The following WWOX variants were observed in gnomAD, a reference collection of about 807,000 sequenced individuals.
WWOX encodes the protein WW domain containing oxidoreductase.
WWOX carries 69 observed loss-of-function variants against 46.2 expected under a neutral mutation model. The ratio of observed to expected loss-of-function variants is 1.49; its 90% confidence interval spans 1.23 to 1.82. The LOEUF (loss-of-function observed/expected upper bound fraction) is 1.82. WWOX is among the 40% of genes most tolerant of loss of function. The pLI is 0.00. For synonymous variants in WWOX, 359 were observed against 202.6 expected, an observed-to-expected ratio of 1.77 and a Z score of -6.56; for missense variants, 919 against 542.6, an observed-to-expected ratio of 1.69 and a Z score of -6.89.
intron 8 of WWOX, among the ~76,000 whole-genome samples, chr16:78,767,051 C>T (rs2049939439): frequency 6.6e-6 from 1 of 151,206 alleles, no homozygotes; most frequent in Non-Finnish European, 1.5e-5. Flanking sequence ...TTTCTTTCTT[C>T]CTCTCCTTCC....
At chr16:78,864,660 G>C (rs1296723871) in intron 8 of WWOX, among the ~76,000 whole-genome samples, 1 of 151,106 alleles carries the variant, frequency 6.6e-6, no homozygotes, top group Non-Finnish European at 1.5e-5. Context: ...CCAGCTCTGA[G>C]ATTCCCTGTT....
chr16:78,625,332 A>G (rs1250164940), intron 8 of WWOX, among the ~76,000 whole-genome samples: 1 of 152,096 alleles, frequency 6.6e-6, no homozygotes, highest in East Asian at 1.9e-4. Flanking sequence ...CTCCCCATCC[A>G]AGGCCAGCGT....
intron 8 of WWOX, among the ~76,000 whole-genome samples, chr16:78,703,726 T>G (rs1413129921): frequency 6.6e-6 from 1 of 152,104 alleles, no homozygotes; most frequent in African/African-American, 2.4e-5. Context: ...TTTCTTGGGT[T>G]GGGAAGAATA....
At chr16:78,169,945 G>A (rs1373373933) in intron 5 of WWOX, among the ~76,000 whole-genome samples, 1 of 152,162 alleles carries the variant, frequency 6.6e-6, no homozygotes, top group Non-Finnish European at 1.5e-5. Context: ...CCCAATAAGT[G>A]TTGTGAAACA....
chr16:78,544,296 A>G (rs2043969212), intron 8 of WWOX, among the ~76,000 whole-genome samples: 1 of 152,244 alleles, frequency 6.6e-6, no homozygotes, highest in African/African-American at 2.4e-5. Context: ...AATTATTAAT[A>G]AAATCCAACT....
chr16:78,696,799 T>TTA (rs2048109491), intron 8 of WWOX, among the ~76,000 whole-genome samples: 1 of 151,688 alleles, frequency 6.6e-6, no homozygotes, highest in South Asian at 2.1e-4. Flanking sequence ...TTGTACTCCT[T>TTA]TATGCCTCAC....
intron 8 of WWOX, among the ~76,000 whole-genome samples, chr16:78,528,165 A>ATTTTTTTTTTTTTTTTT (rs56803717): frequency 1.5e-4 from 9 of 58,390 alleles, no homozygotes; most frequent in Non-Finnish European, 2.0e-4. Flanking sequence ...CACCTGGCTA[A>ATTTTTTTTTTTTTTTTT]TTTTTTTTTT....
intron 8 of WWOX, among the ~76,000 whole-genome samples, chr16:79,118,916 T>G (rs2049572388): frequency 6.6e-6 from 1 of 152,254 alleles, no homozygotes; most frequent in Non-Finnish European, 1.5e-5. Context: ...TTTATCCATT[T>G]CTATGTTGTT....
intron 8 of WWOX, among the ~76,000 whole-genome samples, chr16:78,534,769 G>A (rs2043717785): frequency 6.6e-6 from 1 of 151,814 alleles, no homozygotes; most frequent in Admixed American, 6.6e-5. Flanking sequence ...GAGTGCAGTG[G>A]CACAATCTCA....
intron 8 of WWOX, among the ~76,000 whole-genome samples, chr16:78,864,832 G>A (rs1247478124): frequency 7.3e-6 from 1 of 136,190 alleles, no homozygotes; most frequent in Non-Finnish European, 1.5e-5. Flanking sequence ...GTGTGAACTC[G>A]GCTCACTGCA....
chr16:79,113,174 G>A (rs1478856273), intron 8 of WWOX, among the ~76,000 whole-genome samples: 1 of 152,212 alleles, frequency 6.6e-6, no homozygotes, highest in Admixed American at 6.5e-5. Flanking sequence ...CAAGCTCAAT[G>A]TGGAGACTAG....
intron 8 of WWOX, among the ~76,000 whole-genome samples, chr16:78,734,859 T>G (rs2049049010): frequency 9.1e-6 from 1 of 109,836 alleles, no homozygotes; most frequent in African/African-American, 3.6e-5. Context: ...TTTTTTTTTT[T>G]TTTTTTTTTT....
chr16:79,192,871 T>C (rs572738624), intron 8 of WWOX, among the ~76,000 whole-genome samples: 21 of 152,294 alleles, frequency 1.4e-4, no homozygotes, highest in African/African-American at 4.3e-4. Flanking sequence ...AGCTCTAATT[T>C]CCTCACAGGG....
chr16:78,829,596 G>T (rs185154773), intron 8 of WWOX, among the ~76,000 whole-genome samples: 1 of 151,906 alleles, frequency 6.6e-6, no homozygotes, highest in African/African-American at 2.4e-5. Flanking sequence ...TTGTCATCCT[G>T]TGTCCAAGGC....
At chr16:78,837,079 G>C (rs1044393801) in intron 8 of WWOX, among the ~76,000 whole-genome samples, 1 of 151,954 alleles carries the variant, frequency 6.6e-6, no homozygotes, top group African/African-American at 2.4e-5. Flanking sequence ...AATTGCAGAT[G>C]GCCCTTTGCT....
chr16:78,136,099 A>G (rs1037038580), intron 4 of WWOX, among the ~76,000 whole-genome samples: 3 of 152,176 alleles, frequency 2.0e-5, no homozygotes, highest in Non-Finnish European at 4.4e-5. Context: ...TGAGTAGTAC[A>G]CATGGTTGGT....
At chr16:78,678,025 C>T (rs907203809) in intron 8 of WWOX, among the ~76,000 whole-genome samples, 8 of 152,176 alleles carry the variant, frequency 5.3e-5, no homozygotes, top group Admixed American at 5.2e-4. Flanking sequence ...TGAATCTCTA[C>T]CCTGCTTTAT....
intron 8 of WWOX, among the ~76,000 whole-genome samples, chr16:78,753,742 T>C (rs4887977): frequency 0.63 from 88,594 of 140,474 alleles, 28,078 homozygotes; most frequent in South Asian, 0.72. Flanking sequence ...GTCAAGGCTG[T>C]AGTGAGCAAA....
chr16:78,771,019 G>A (rs2050051094), intron 8 of WWOX, among the ~76,000 whole-genome samples: 1 of 152,224 alleles, frequency 6.6e-6, no homozygotes, highest in South Asian at 2.1e-4. Flanking sequence ...GCTGGAGGCA[G>A]AACATTCTAG....
Sources: gnomAD v4.1 joint callset for allele counts (sites outside exome capture counted in the v4.1 genomes callset) on GRCh38, gnomAD v4.1.1 for gene constraint, MANE v1.5 for transcripts, NCBI Gene and HGNC (gene_info 2026-07-23, HGNC 2026-07-21) for gene names.